SLC16A10: variants seen among roughly 807,000 people sequenced by gnomAD.
SLC16A10 encodes the protein solute carrier family 16 member 10.
SLC16A10 carries 27 observed loss-of-function variants against 40.0 expected under a neutral mutation model. The observed-to-expected ratio is 0.67, with a 90% CI of 0.50 to 0.93. The LOEUF (loss-of-function observed/expected upper bound fraction) is 0.93, where lower values mean the gene tolerates loss of function less well. SLC16A10 is among the 40% of genes least tolerant of loss of function. The pLI is 0.00. For missense variants in SLC16A10, 529 were observed against 658.2 expected (o/e 0.80, Z 2.15); for synonymous variants, 213 against 249.8 (o/e 0.85, Z 1.39).
intron 1 of SLC16A10, among the ~76,000 whole-genome samples, chr6:111,109,359 G>A (rs1299407285): frequency 1.3e-5 from 2 of 151,952 alleles, no homozygotes; most frequent in Non-Finnish European, 2.9e-5. Context: ...TTTTCACTCA[G>A]CATGATGCTT....
At chr6:111,125,635 A>C (rs1020715134) in intron 1 of SLC16A10, among the ~76,000 whole-genome samples, 2 of 152,192 alleles carry the variant, frequency 1.3e-5, no homozygotes, top group Admixed American at 6.5e-5. Context: ...TATCCTTTAC[A>C]ACTCTCTTTA....
At chr6:111,164,301 T>C (rs993998839) in intron 1 of SLC16A10, among the ~76,000 whole-genome samples, 23 of 152,224 alleles carry the variant, frequency 1.5e-4, no homozygotes, top group Admixed American at 3.3e-4. Context: ...CTCAATTACA[T>C]GGTATAATGG....
intron 1 of SLC16A10, among the ~76,000 whole-genome samples, chr6:111,165,510 T>C (rs556632564): frequency 2.6e-5 from 4 of 152,248 alleles, no homozygotes; most frequent in Non-Finnish European, 5.9e-5. Context: ...GCTGACTTTT[T>C]ACCATAGTGC....
rs1770835982 is a variant in SLC16A10, at chr6:111,219,018, A to G, written c.1291A>G (p.Met431Val). ...TCTGCTCGGATTCATGTCTATACCC[A>G]TGACTGTTGGCCCACCCATTGCAGG... Reference protein sequence around the residue: ...GFLLGFMSIPMTVGPPIAGLL... With the variant: ...GFLLGFMSIPVTVGPPIAGLL... The change falls in exon 5 of 6, where the codon ATG becomes GTG. Residue 431 changes from methionine (M) to valine (V), a missense_variant. Coordinates refer to ENST00000368851, the MANE Select transcript of SLC16A10 (RefSeq NM_018593.5). 8.7e-6 allele frequency: 14 copies of G among 1,614,006 alleles called. No individual in the cohort carries two copies. Among genetic ancestry groups the G allele is most frequent in the East Asian group, 2.2e-5 (1 of 44,888 alleles).
At chr6:111,189,420 C>T (rs1307125944) in intron 3 of SLC16A10, among the ~76,000 whole-genome samples, 1 of 151,932 alleles carries the variant, frequency 6.6e-6, no homozygotes, top group African/African-American at 2.4e-5. Context: ...ATTTTTTTAT[C>T]CAACTTATTT....
intron 1 of SLC16A10, among the ~76,000 whole-genome samples, chr6:111,094,814 AT>A (rs1554255026): frequency 6.6e-6 from 1 of 151,966 alleles, no homozygotes; most frequent in South Asian, 2.1e-4. Context: ...ATTAAAAAAA[AT>A]TTTTATGTGG....
chr6:111,139,092 C>CTT lies in SLC16A10; in HGVS notation c.344-33588_344-33587dup, dbSNP rs755473638. 5.7e-4 allele frequency among the ~76,000 whole-genome samples: 68 copies of CTT among 118,838 alleles called. 1 individual carries two copies. The highest frequency in any genetic ancestry group is 5.1e-3 in the Middle Eastern group (1 of 196). The allele number at this position is 118,838 out of a possible 152,430, so 78.0% of individuals were successfully genotyped here. ...GCTGGCTTTTTTTTTTCTTCTTCTT[C>CTT]TTTTTTTTTTTTTTTTACTGTGAAA... is the stretch of plus-strand genomic sequence containing the variant. On this transcript the variant is annotated intron_variant, in intron 1 of 5. Coordinates refer to ENST00000368851, the MANE Select transcript of SLC16A10 (RefSeq NM_018593.5).
At chr6:111,197,542 C>T (rs1773098298) in intron 3 of SLC16A10, among the ~76,000 whole-genome samples, 1 of 152,124 alleles carries the variant, frequency 6.6e-6, no homozygotes. Context: ...TTAAATAATG[C>T]TTTCTGAATG....
chr6:111,180,808 A>G (rs923184422), intron 3 of SLC16A10, among the ~76,000 whole-genome samples: 5 of 152,138 alleles, frequency 3.3e-5, no homozygotes, highest in Non-Finnish European at 2.9e-5. Flanking sequence ...CTCTGTCTCT[A>G]AAAAACAGAT....
At chr6:111,134,622 A>G (rs942311035) in intron 1 of SLC16A10, among the ~76,000 whole-genome samples, 1 of 152,138 alleles carries the variant, frequency 6.6e-6, no homozygotes, top group Non-Finnish European at 1.5e-5. Context: ...GGCTCTGGAA[A>G]AGGGAAAAGC....
intron 3 of SLC16A10, among the ~76,000 whole-genome samples, chr6:111,197,698 C>T (rs1773101785): frequency 6.6e-6 from 1 of 152,086 alleles, no homozygotes; most frequent in Admixed American, 6.5e-5. Flanking sequence ...CCAGCATCTG[C>T]TCAGTTTTCT....
chr6:111,195,499 G>T (rs1773065094), intron 3 of SLC16A10, among the ~76,000 whole-genome samples: 1 of 152,168 alleles, frequency 6.6e-6, no homozygotes, highest in Non-Finnish European at 1.5e-5. Flanking sequence ...CAAATTTTAT[G>T]AAATAGGAAT....
chr6:111,181,286 G>C (rs766367581), intron 3 of SLC16A10, among the ~76,000 whole-genome samples: 3 of 151,436 alleles, frequency 2.0e-5, no homozygotes, highest in Non-Finnish European at 4.4e-5. Flanking sequence ...TTTCTTACTA[G>C]TTGCATAACC....
chr6:111,190,575 G>T (rs1466386734), intron 3 of SLC16A10, among the ~76,000 whole-genome samples: 1 of 152,232 alleles, frequency 6.6e-6, no homozygotes, highest in Non-Finnish European at 1.5e-5. Context: ...GGACATCCAG[G>T]CATTTCCATA....
intron 1 of SLC16A10, among the ~76,000 whole-genome samples, chr6:111,135,119 TA>T (rs1771854522): frequency 6.6e-6 from 1 of 152,104 alleles, no homozygotes; most frequent in Non-Finnish European, 1.5e-5. Flanking sequence ...AGAGACATTC[TA>T]GCAAAAGCAG....
At chr6:111,094,561 G>A (rs186341842) in intron 1 of SLC16A10, among the ~76,000 whole-genome samples, 1 of 151,986 alleles carries the variant, frequency 6.6e-6, no homozygotes, top group Non-Finnish European at 1.5e-5. Flanking sequence ...GAGTTCTTTT[G>A]TGTTTACCTT....
In SLC16A10 at chr6:111,228,328, G is replaced by T. The variant is rs1771045251; in HGVS notation, c.*6093G>T. 1 of 152,194 alleles carries T rather than the reference G, an allele frequency of 6.6e-6. No homozygotes were observed. Among genetic ancestry groups the T allele is most frequent in the Admixed American group, 6.5e-5 (1 of 15,278 alleles). The allele number at this position is 152,194 out of a possible 1,614,324, so 9.4% of individuals were successfully genotyped here. On this transcript the variant is annotated 3_prime_UTR_variant, in exon 6 of 6. Coordinates refer to ENST00000368851, the MANE Select transcript of SLC16A10 (RefSeq NM_018593.5). ...CTAGTAGAACAAGGACTGGGACAAT[G>T]AATTTTTGACTCACTGGAGTTTTTT...
intron 4 of SLC16A10, among the ~76,000 whole-genome samples, chr6:111,215,812 C>T (rs1220343185): frequency 6.6e-6 from 1 of 152,146 alleles, no homozygotes; most frequent in Non-Finnish European, 1.5e-5. Context: ...CAAGAATGGC[C>T]TGGGCAACAT....
chr6:111,210,074 A>G (rs1398329811), intron 4 of SLC16A10, among the ~76,000 whole-genome samples: 40 of 152,238 alleles, frequency 2.6e-4, no homozygotes, highest in Admixed American at 2.6e-3. Flanking sequence ...GGCATTACAG[A>G]TAAAGTTAAC....
Sources: allele counts gnomAD v4.1 joint callset (sites outside exome capture counted in the v4.1 genomes callset), GRCh38; gene constraint gnomAD v4.1.1; transcripts MANE v1.5; gene names NCBI Gene and HGNC (gene_info 2026-07-23, HGNC 2026-07-21).